TUB: variants seen among roughly 807,000 people sequenced by gnomAD.
The protein encoded by TUB is tubby protein homolog.
In TUB, 33 loss-of-function variants were observed where a neutral mutation model predicts 59.7. The ratio of observed to expected loss-of-function variants is 0.55; its 90% confidence interval spans 0.42 to 0.74. The LOEUF is 0.74. Among genes scored for constraint, TUB ranks in the 30% least tolerant of loss-of-function variants. The pLI is 0.00. For synonymous variants in TUB, 293 were observed against 256.4 expected (o/e 1.14, Z -1.36); for missense variants, 659 against 672.0 (o/e 0.98, Z 0.21).
At chr11:8,052,924 T>C (rs1033589147) in intron 2 of TUB, among the ~76,000 whole-genome samples, 2 of 152,270 alleles carry the variant, frequency 1.3e-5, no homozygotes, top group Non-Finnish European at 2.9e-5. Flanking sequence ...TTTTGCTAGG[T>C]AGACAGTTGG....
rs80235160 is a variant in TUB at position 8,090,380 on chromosome 11, C to T, written c.253+149C>T. On this transcript the variant is annotated intron_variant, in intron 3 of 11. Coordinates refer to ENST00000299506, the MANE Select transcript of TUB (RefSeq NM_177972.3). ...CAGGCAGACAGCTGAGTAGGGAGGG[C>T]AGAGGGAAGGTGGACCTGTAGCCTT... The T allele has an allele frequency of 7.5e-4, 886 of 1,183,482 alleles. 13 individuals are homozygous for T. The East Asian group carries it at 0.021, about 28-fold the overall frequency. The allele number at this position is 1,183,482 out of a possible 1,614,324, so 73.3% of individuals were successfully genotyped here.
intron 2 of TUB, among the ~76,000 whole-genome samples, chr11:8,064,157 C>A (rs954385738): frequency 4.0e-4 from 61 of 152,296 alleles, no homozygotes; most frequent in African/African-American, 1.3e-3. Context: ...GCCATAGTTT[C>A]CAAAGCTCTG....
chr11:8,037,687 G>A (rs570830891), upstream of TUB, among the ~76,000 whole-genome samples: 1 of 152,334 alleles, frequency 6.6e-6, no homozygotes, highest in South Asian at 2.1e-4. Context: ...ACAGACAGAA[G>A]GTGATGTTGT....
In TUB at chr11:8,103,549, C is replaced by T. The variant is rs995286687; in HGVS notation, c.*1930C>T. 9 of 152,582 alleles carry T rather than the reference C, an allele frequency of 5.9e-5. No homozygotes were observed. The highest frequency in any genetic ancestry group is 2.2e-4 in the African/African-American group (9 of 41,406). 9.5% of individuals were successfully genotyped at this position (152,582 alleles called of 1,614,324 possible). A position where few individuals can be genotyped will look rare whatever the true frequency, so the allele number is the denominator to read the frequency against. On this transcript the variant is annotated 3_prime_UTR_variant, in exon 12 of 12. Transcript: ENST00000299506. Reference sequence around the variant, plus strand: ...GCATACCTGTCCTAGCAGGATCTGCCCACACCTCGGCCGTACATCTCTGTG... The same window carrying T: ...GCATACCTGTCCTAGCAGGATCTGCTCACACCTCGGCCGTACATCTCTGTG...
At chr11:8,039,430 A>ACTGCCTGCCTGCCTGCCTGCCTGC (rs56870342) in intron 1 of TUB, 7 of 441,252 alleles carry the variant, frequency 1.6e-5, no homozygotes, top group Admixed American at 1.2e-4. Context: ...CCTCATCTGG[A>ACTGCCTGCCTGCCTGCCTGCCTGC]CTGCCTGCCT....
At chr11:8,064,842 A>G (rs1467566981) in intron 2 of TUB, among the ~76,000 whole-genome samples, 1 of 152,208 alleles carries the variant, frequency 6.6e-6, no homozygotes, top group Non-Finnish European at 1.5e-5. Flanking sequence ...AGGAGGAACT[A>G]GCATAGGATT....
At position 8,103,345 on chromosome 11, in the gene TUB, G is replaced by T. The variant is rs1221129334; in HGVS notation, c.*1726G>T. On this transcript the variant is annotated 3_prime_UTR_variant, in exon 12 of 12. Coordinates refer to ENST00000299506, the MANE Select transcript of TUB (RefSeq NM_177972.3). Reference sequence around the variant, plus strand: ...TGAAATTGGTGGGAAGCAAGCAGGGGTCGTACCTTGCTTTAGAGTAGATGT... The same window carrying T: ...TGAAATTGGTGGGAAGCAAGCAGGGTTCGTACCTTGCTTTAGAGTAGATGT... 1 of 152,240 alleles carries T rather than the reference G, an allele frequency of 6.6e-6. No homozygotes were observed. Among genetic ancestry groups the T allele is most frequent in the Non-Finnish European group, 1.5e-5 (1 of 68,038 alleles). The allele number at this position is 152,240 out of a possible 1,614,324, so 9.4% of individuals were successfully genotyped here.
intron 1 of TUB, among the ~76,000 whole-genome samples, chr11:8,082,230 CACAGT>C (rs576939727): frequency 3.7e-4 from 57 of 152,354 alleles, no homozygotes; most frequent in African/African-American, 1.3e-3. Context: ...CACACCAGCT[CACAGT>C]ACATAGAACT....
intron 2 of TUB, among the ~76,000 whole-genome samples, chr11:8,069,877 C>G (rs1881240): frequency 0.38 from 57,069 of 151,824 alleles, 11,809 homozygotes; most frequent in South Asian, 0.5. Flanking sequence ...GAGAAACAGG[C>G]AAAAAAGAGA....
At chr11:8,081,649 C>T (rs1457281359) in intron 1 of TUB, 101 bp downstream of exon 1, 1 of 1,308,824 alleles carries the variant, frequency 7.6e-7, no homozygotes, top group Non-Finnish European at 9.9e-7. Context: ...CCCTCCCCAC[C>T]TATCCCAGCA....
chr11:8,084,475 A>C (rs1223104779), intron 1 of TUB, among the ~76,000 whole-genome samples: 1 of 152,172 alleles, frequency 6.6e-6, no homozygotes, highest in Non-Finnish European at 1.5e-5. Flanking sequence ...ACAGCCTTTT[A>C]TAAGTTGTAA....
At chr11:8,054,768 T>C (rs989248431) in intron 2 of TUB, among the ~76,000 whole-genome samples, 1 of 152,266 alleles carries the variant, frequency 6.6e-6, no homozygotes, top group Non-Finnish European at 1.5e-5. Context: ...ACTGTACCTG[T>C]GTTCATACAT....
At chr11:8,098,636 C>G (rs964743321) in intron 8 of TUB, 122 bp from the exon 9 acceptor site, 2 of 717,174 alleles carry the variant, frequency 2.8e-6, no homozygotes, top group African/African-American at 1.8e-5. Flanking sequence ...GTATGCCTCC[C>G]TGGGCCTGCT....
At chr11:8,081,615 C>T in intron 1 of TUB, 67 bp downstream of exon 1, 1 of 1,429,976 alleles carries the variant, frequency 7.0e-7, no homozygotes, top group Admixed American at 2.6e-5. Flanking sequence ...TGGGGATACG[C>T]GGCCGGGGCG....
chr11:8,100,569 G>A lies in TUB; in HGVS notation c.1183G>A (p.Val395Ile), dbSNP rs762682096. The A allele has an allele frequency of 1.2e-6, 2 of 1,614,112 alleles. No individual in the cohort carries two copies. Among genetic ancestry groups the A allele is most frequent in the Admixed American group, 3.3e-5 (2 of 60,022 alleles). ...MSVIVPGMNM[V>I]HERVSIRPRN... ...CGTGATTGTCCCAGGCATGAACATGGTTCATGAGAGAGTCTCTATCCGCCC... is the reference window on the plus strand; with the variant it reads ...CGTGATTGTCCCAGGCATGAACATGATTCATGAGAGAGTCTCTATCCGCCC... The change falls in exon 10 of 12, where the codon GTT becomes ATT. Residue 395 changes from valine (V) to isoleucine (I), a missense_variant. Around this residue, in one of 3 missense-constraint regions of TUB, gnomAD observed 226 missense variants for 210.8 expected, o/e 1.07. Transcript: ENST00000299506.
At chr11:8,078,661 T>C (rs1002042552), upstream of TUB, among the ~76,000 whole-genome samples, 1 of 152,016 alleles carries the variant, frequency 6.6e-6, no homozygotes, top group Non-Finnish European at 1.5e-5. Context: ...ACGCGTACCA[T>C]CCAACAAATG....
At chr11:8,050,069 A>T (rs948057437) in intron 2 of TUB, among the ~76,000 whole-genome samples, 1 of 152,214 alleles carries the variant, frequency 6.6e-6, no homozygotes, top group Non-Finnish European at 1.5e-5. Flanking sequence ...TGACATTTAT[A>T]TAAGTGGGAT....
At chr11:8,075,747 T>TAGGGTTAGG in intron 2 of TUB, 1 of 152,062 alleles carries the variant, frequency 6.6e-6, no homozygotes, top group East Asian at 1.9e-4. Flanking sequence ...ACGTCAGAGT[T>TAGGGTTAGG]ACACCATCTC....
chr11:8,040,841 A>G (rs1224062120), intron 2 of TUB, among the ~76,000 whole-genome samples: 2 of 152,134 alleles, frequency 1.3e-5, no homozygotes, highest in Non-Finnish European at 2.9e-5. Flanking sequence ...TAAGTTGATG[A>G]CAGCCTCCTT....
Sources: allele counts gnomAD v4.1 joint callset (sites outside exome capture counted in the v4.1 genomes callset), GRCh38; gene constraint gnomAD v4.1.1; regional missense constraint gnomAD v4.1.1; transcripts MANE v1.5; gene names NCBI Gene and HGNC (gene_info 2026-07-23, HGNC 2026-07-21).